Variants in LRRC4C observed in about 807,000 individuals in gnomAD.
The protein encoded by LRRC4C is leucine-rich repeat-containing protein 4C.
A neutral mutation model predicts 33.6 loss-of-function variants in LRRC4C; 5 were observed. The ratio of observed to expected loss-of-function variants is 0.15; its 90% CI spans 0.08 to 0.31. LRRC4C has a LOEUF of 0.31. LRRC4C is among the 10% of genes least tolerant of loss of function. LRRC4C has a pLI of 1.00. For missense variants in LRRC4C, 560 were observed against 796.7 expected (o/e 0.70, Z 3.58); for synonymous variants, 329 against 302.0 (o/e 1.09, Z -0.93).
At chr11:41,406,706 C>CA (rs1390216129) in intron 1 of LRRC4C, among the ~76,000 whole-genome samples, 1 of 138,244 alleles carries the variant, frequency 7.2e-6, no homozygotes, top group Non-Finnish European at 1.5e-5. Context: ...TACACATTCA[C>CA]CACACACACA....
intron 2 of LRRC4C, among the ~76,000 whole-genome samples, chr11:40,698,533 A>G (rs1477343314): frequency 2.0e-5 from 3 of 151,988 alleles, no homozygotes; most frequent in Admixed American, 1.3e-4. Flanking sequence ...TTATCTTCAA[A>G]TGGAAAATGG....
At chr11:40,372,324 C>T (rs796927416) in intron 3 of LRRC4C, among the ~76,000 whole-genome samples, 2 of 152,126 alleles carry the variant, frequency 1.3e-5, no homozygotes, top group East Asian at 1.9e-4. Flanking sequence ...CACTTGGGGA[C>T]CTTGTAATCA....
intron 4 of LRRC4C, among the ~76,000 whole-genome samples, chr11:40,283,672 G>C (rs1943632956): frequency 7.4e-6 from 1 of 135,784 alleles, no homozygotes; most frequent in South Asian, 2.6e-4. Context: ...ATGACAAGAA[G>C]AATAAGATGA....
Position 40,145,537 on chromosome 11 carries a change from C to T in LRRC4C, c.-95-4684G>A, listed in dbSNP as rs1286657943. 2.0e-5 allele frequency among the ~76,000 whole-genome samples: 3 copies of T among 152,102 alleles called. 1 individual carries two copies. In the East Asian group the frequency reaches 5.8e-4, roughly 29 times the overall value. On this transcript the variant is annotated intron_variant, in intron 5 of 6. Transcript: ENST00000528697. Reference sequence around the variant, plus strand: ...AAAACCGGAATAGTTCATTCAGTTACAGAGTTATAAAGGGACCTTATCTAT... The same window carrying T: ...AAAACCGGAATAGTTCATTCAGTTATAGAGTTATAAAGGGACCTTATCTAT...
intron 3 of LRRC4C, among the ~76,000 whole-genome samples, chr11:40,585,904 G>C: frequency 7.3e-6 from 1 of 136,554 alleles, no homozygotes; most frequent in East Asian, 2.1e-4. Flanking sequence ...CCAAGTCTTT[G>C]CTATTGTGAA....
intron 1 of LRRC4C, among the ~76,000 whole-genome samples, chr11:41,200,349 C>G (rs922344689): frequency 6.6e-6 from 1 of 152,088 alleles, no homozygotes; most frequent in African/African-American, 2.4e-5. Context: ...TTCTTTTAGT[C>G]TACCAAGGCT....
intron 1 of LRRC4C, among the ~76,000 whole-genome samples, chr11:41,237,019 AG>A (rs905707464): frequency 2.3e-4 from 35 of 152,344 alleles, no homozygotes; most frequent in African/African-American, 8.4e-4. Flanking sequence ...ATATACGTTG[AG>A]GTATAAAAAC....
At chr11:41,283,665 G>A (rs1949736890) in intron 1 of LRRC4C, among the ~76,000 whole-genome samples, 1 of 152,194 alleles carries the variant, frequency 6.6e-6, no homozygotes, top group Non-Finnish European at 1.5e-5. Flanking sequence ...TACAGTTACA[G>A]AGTGCAGTAG....
intron 3 of LRRC4C, among the ~76,000 whole-genome samples, chr11:40,490,331 A>T (rs1378232253): frequency 6.6e-6 from 1 of 152,134 alleles, no homozygotes; most frequent in Admixed American, 6.6e-5. Flanking sequence ...ACCTAAAGCC[A>T]TCACCTTATA....
At chr11:41,105,495 TCTCTC>T (rs1941442908) in intron 1 of LRRC4C, among the ~76,000 whole-genome samples, 1 of 152,036 alleles carries the variant, frequency 6.6e-6, no homozygotes, top group African/African-American at 2.4e-5. Context: ...AATTTTTGTG[TCTCTC>T]CTCAGTGATT....
At chr11:41,225,838 G>T (rs1028042660) in intron 1 of LRRC4C, among the ~76,000 whole-genome samples, 1 of 152,086 alleles carries the variant, frequency 6.6e-6, no homozygotes, top group East Asian at 1.9e-4. Flanking sequence ...AGAACTGAGA[G>T]CCTGGGTACT....
chr11:40,976,704 G>A (rs1254230813), intron 1 of LRRC4C, among the ~76,000 whole-genome samples: 1 of 152,090 alleles, frequency 6.6e-6, no homozygotes, highest in African/African-American at 2.4e-5. Context: ...AACAATAGAA[G>A]AGAGAGTATA....
At chr11:41,303,992 A>G (rs1591207857) in intron 1 of LRRC4C, among the ~76,000 whole-genome samples, 1 of 64,690 alleles carries the variant, frequency 1.5e-5, no homozygotes, top group African/African-American at 4.1e-5. Flanking sequence ...TCCGGGAGGG[A>G]GGTGGGGGGG....
intron 1 of LRRC4C, among the ~76,000 whole-genome samples, chr11:41,060,173 T>C (rs1937648707): frequency 1.3e-5 from 2 of 152,202 alleles, no homozygotes; most frequent in East Asian, 1.9e-4. Flanking sequence ...ATTTCCCAGA[T>C]CTCTACAATT....
rs567684913 is a variant in LRRC4C, at chr11:40,516,818, A to T, written c.-270+131324T>A. 2.4e-4 allele frequency among the ~76,000 whole-genome samples: 36 copies of T among 152,268 alleles called. No homozygotes were observed. In the East Asian group the frequency reaches 6.0e-3, roughly 25 times the overall value. The stretch of plus-strand genomic sequence containing the variant: ...CATAGGACCCTTTAGCCACATTTTA[A>T]TTATTCCTTAGCTTTATATGAAAAT... On this transcript the variant is annotated intron_variant, in intron 3 of 6. Coordinates refer to ENST00000528697, the MANE Select transcript of LRRC4C (RefSeq NM_001258419.2).
rs145415202 is a variant in LRRC4C, at chr11:40,876,860, G to A, written c.-407+56775C>T. ...GGGGGTTGTAGTGAGCCAGGATTGC[G>A]CCACTGCACTGCAGCCTGGCAACAG... On this transcript the variant is annotated intron_variant, in intron 2 of 6. Coordinates refer to ENST00000528697, the MANE Select transcript of LRRC4C (RefSeq NM_001258419.2). Among the ~76,000 whole-genome samples the A allele has an allele frequency of 2.5e-3, 365 of 145,128 alleles. 1 individual carries two copies. Among genetic ancestry groups the A allele is most frequent in the African/African-American group, 9.0e-3 (348 of 38,644 alleles).
intron 3 of LRRC4C, among the ~76,000 whole-genome samples, chr11:40,472,898 T>C (rs1313619447): frequency 6.6e-6 from 1 of 152,092 alleles, no homozygotes; most frequent in Non-Finnish European, 1.5e-5. Flanking sequence ...CTCCCAAGAC[T>C]AAAGCAGGAA....
Position 40,392,143 on chromosome 11 carries a change from G to T in LRRC4C, c.-269-72422C>A, listed in dbSNP as rs193110077. Among the ~76,000 whole-genome samples, 96 of 152,208 alleles carry T rather than the reference G, an allele frequency of 6.3e-4. 1 individual carries two copies. Among genetic ancestry groups the T allele is most frequent in the Non-Finnish European group, 1.2e-3 (81 of 68,010 alleles). Reference sequence around the variant, plus strand: ...GTTGCTAGGGGTTTGTGGGGATGAGGGGAAAGGTAAGCAGGAGGGATGAAT... The same window carrying T: ...GTTGCTAGGGGTTTGTGGGGATGAGTGGAAAGGTAAGCAGGAGGGATGAAT... On this transcript the variant is annotated intron_variant, in intron 3 of 6. Coordinates refer to ENST00000528697, the MANE Select transcript of LRRC4C (RefSeq NM_001258419.2).
chr11:41,023,804 G>C (rs1458409775), intron 1 of LRRC4C, among the ~76,000 whole-genome samples: 1 of 151,718 alleles, frequency 6.6e-6, no homozygotes, highest in African/African-American at 2.4e-5. Flanking sequence ...TGAGGACTAC[G>C]TTGTAGGGAC....
Sources: allele counts gnomAD v4.1 joint callset (sites outside exome capture counted in the v4.1 genomes callset), GRCh38; gene constraint gnomAD v4.1.1; transcripts MANE v1.5; gene names NCBI Gene and HGNC (gene_info 2026-07-23, HGNC 2026-07-21).